Variants in IREB2 observed in about 807,000 individuals in gnomAD.
IREB2 encodes iron responsive element binding protein 2.
Under a neutral mutation model 118.8 loss-of-function variants are expected in IREB2, and 39 were observed. The observed-to-expected ratio is 0.33, with a 90% CI of 0.25 to 0.43. The LOEUF (loss-of-function observed/expected upper bound fraction) is 0.43, where lower values mean the gene tolerates loss of function less well. Ranked by LOEUF, IREB2 falls within the 20% of genes least tolerant of loss-of-function variation. The pLI, the probability that IREB2 is intolerant of heterozygous loss-of-function variation, is 1.00. For synonymous variants in IREB2, 372 were observed against 392.2 expected (o/e 0.95, Z 0.61); for missense variants, 900 against 1,147.3 (o/e 0.78, Z 3.11).
chr15:78,490,821 C>T, intron 18 of IREB2, 60 bp downstream of exon 18: 3 of 1,467,218 alleles, frequency 2.0e-6, no homozygotes, highest in South Asian at 1.2e-5. Context: ...GATTAAGAGG[C>T]TTCTATTGGT....
intron 9 of IREB2, among the ~76,000 whole-genome samples, chr15:78,477,530 G>A (rs1289217586): frequency 6.6e-6 from 1 of 152,146 alleles, no homozygotes; most frequent in Admixed American, 6.5e-5. Flanking sequence ...AGATTCTCAA[G>A]GGTTAGGAGA....
At chr15:78,450,046 A>AT (rs201118937) in intron 2 of IREB2, among the ~76,000 whole-genome samples, 3,491 of 151,998 alleles carry the variant, frequency 0.023, 51 homozygotes, top group Non-Finnish European at 0.034. Flanking sequence ...AATCCAGTGC[A>AT]TTTTTTTTAC....
At chr15:78,476,736 T>C (rs2051478043) in intron 9 of IREB2, 1 of 153,958 alleles carries the variant, frequency 6.5e-6, no homozygotes, top group African/African-American at 2.4e-5. Flanking sequence ...GACAAAGGGG[T>C]TTGGGGACCA....
At position 78,447,921 on chromosome 15, in the gene IREB2, CT is replaced by C. The variant is rs2050958905; in HGVS notation, c.106+8041del. Reference sequence around the variant, plus strand: ...ACTGGCCAGACTGTAAATTGGTTGTCTGTTGGAAGGCTGGCTCCAGGTCCCA... The same window carrying C: ...ACTGGCCAGACTGTAAATTGGTTGTCGTTGGAAGGCTGGCTCCAGGTCCCA... On this transcript the variant is annotated intron_variant, in intron 2 of 21. Transcript: ENST00000258886. 3.3e-5 allele frequency among the ~76,000 whole-genome samples: 5 copies of C among 152,342 alleles called. No individual in the cohort carries two copies. The South Asian group carries it at 8.3e-4, about 25-fold the overall frequency.
rs2051222290 is a variant in IREB2, at chr15:78,463,042, T to C, written c.227T>C (p.Val76Ala). 1 of 1,610,620 alleles carries C rather than the reference T, an allele frequency of 6.2e-7. No homozygotes were observed. Residue 76 changes from valine (V) to alanine (A), a missense_variant, in exon 3 of 22, where the codon GTT becomes GCT. Coordinates refer to ENST00000258886, the MANE Select transcript of IREB2 (RefSeq NM_004136.4). ...ILDWKTKQSN[V>A]EVPFFPARVL... ...GACTGGAAAACCAAACAAAGCAATG[T>C]TGAAGTGCCCTTTTTCCCTGCCCGT...
chr15:78,477,898 G>A (rs1038196304), intron 9 of IREB2, among the ~76,000 whole-genome samples: 1 of 152,048 alleles, frequency 6.6e-6, no homozygotes, highest in Non-Finnish European at 1.5e-5. Context: ...TCCAGCCTAG[G>A]TGACACAGTG....
At chr15:78,491,810 G>A (rs1566996619) in intron 18 of IREB2, among the ~76,000 whole-genome samples, 1 of 152,142 alleles carries the variant, frequency 6.6e-6, no homozygotes, top group African/African-American at 2.4e-5. Context: ...TGTCAATGTA[G>A]CTTGTGTTGA....
In IREB2 at chr15:78,465,354, G is replaced by A. The variant is rs1595995929; in HGVS notation, c.376G>A (p.Val126Ile). The A allele has an allele frequency of 6.2e-7, 1 of 1,613,342 alleles. No individual in the cohort carries two copies. Among genetic ancestry groups the A allele is most frequent in the Non-Finnish European group, 8.5e-7 (1 of 1,179,740 alleles). Residue 126 changes from valine (V) to isoleucine (I), a missense_variant, in exon 4 of 22, where the codon GTT becomes ATT. Coordinates refer to ENST00000258886, the MANE Select transcript of IREB2 (RefSeq NM_004136.4). ...VHPACPTDLTVDHSLQIDFSK... is the reference protein window; with the variant it reads ...VHPACPTDLTIDHSLQIDFSK... ...TCCTGCTTGTCCGACAGATCTTACA[G>A]TTGACCATTCTTTACAAATTGACTT...
intron 6 of IREB2, among the ~76,000 whole-genome samples, chr15:78,471,344 A>G (rs1010129497): frequency 7.2e-5 from 11 of 152,180 alleles, no homozygotes; most frequent in Admixed American, 6.5e-5. Flanking sequence ...TAGTAGTAGA[A>G]CGCTTTTGTT....
intron 5 of IREB2, among the ~76,000 whole-genome samples, chr15:78,470,303 T>G (rs547256589): frequency 6.6e-6 from 1 of 152,358 alleles, no homozygotes; most frequent in East Asian, 1.9e-4. Context: ...AATGTGGCTT[T>G]CTTACACTCA....
rs202064813 is a variant in IREB2, at chr15:78,438,313, C to T, written c.-25C>T. On this transcript the variant is annotated 5_prime_UTR_variant, in exon 1 of 22. Coordinates refer to ENST00000258886, the MANE Select transcript of IREB2 (RefSeq NM_004136.4). Reference sequence around the variant, plus strand: ...CTTCTTCCCCCGCTGGCCCCCTCCCCGGAGGGATAATATGGTCTCCGGCGA... The same window carrying T: ...CTTCTTCCCCCGCTGGCCCCCTCCCTGGAGGGATAATATGGTCTCCGGCGA... 34 of 1,580,810 alleles carry T rather than the reference C, an allele frequency of 2.2e-5. No individual in the cohort carries two copies. In the East Asian group the frequency reaches 7.3e-4, roughly 34 times the overall value.
intron 7 of IREB2, among the ~76,000 whole-genome samples, chr15:78,472,579 C>G (rs2051398368): frequency 6.6e-6 from 1 of 152,142 alleles, no homozygotes; most frequent in Non-Finnish European, 1.5e-5. Flanking sequence ...GCTGGCCTGG[C>G]TGGTTTTGAA....
At chr15:78,461,604 G>A (rs905741) in intron 2 of IREB2, among the ~76,000 whole-genome samples, 4,363 of 152,118 alleles carry the variant, frequency 0.029, 223 homozygotes, top group African/African-American at 0.1. Flanking sequence ...TAGAACAATG[G>A]TTAGACAATC....
rs199584758 is a variant in IREB2, at chr15:78,478,290, G to A, written c.1196-7G>A. On this transcript the variant is annotated splice_region_variant and splice_polypyrimidine_tract_variant and intron_variant, in intron 9 of 21. Transcript: ENST00000258886. ...GCATTTTGTTGTTTTGTTCATCTTCGTTTTAGGTTTTAGCAAAGCCAAACT... is the reference window on the plus strand; with the variant it reads ...GCATTTTGTTGTTTTGTTCATCTTCATTTTAGGTTTTAGCAAAGCCAAACT... 5.7e-5 allele frequency: 90 copies of A among 1,577,140 alleles called. No homozygotes were observed. The East Asian group carries it at 1.6e-3, about 28-fold the overall frequency.
chr15:78,483,190 TATTAAAATAAATTGC>T (rs1364508658), intron 10 of IREB2, 113 bp from the exon 11 acceptor site: 5 of 562,480 alleles, frequency 8.9e-6, no homozygotes, highest in South Asian at 2.5e-5. Context: ...TGTATTATAC[TATTAAAATAAATTGC>T]ATTAAAATAA....
rs759035193 is a variant in IREB2, at chr15:78,498,179, A to T, written c.*36A>T. The T allele has an allele frequency of 8.4e-7, 1 of 1,195,948 alleles. No individual in the cohort carries two copies. Among genetic ancestry groups the T allele is most frequent in the Non-Finnish European group, 1.2e-6 (1 of 800,194 alleles). The allele number at this position is 1,195,948 out of a possible 1,614,324, so 74.1% of individuals were successfully genotyped here. ...CCATAGATACCTTTCATAACTGGTA[A>T]CTGCAAAGCCTTTTGTGCTGGACCC... On this transcript the variant is annotated 3_prime_UTR_variant, in exon 22 of 22. Coordinates refer to ENST00000258886, the MANE Select transcript of IREB2 (RefSeq NM_004136.4).
rs143720317 is a variant in IREB2, at chr15:78,466,384, G to A, written c.524G>A (p.Arg175Gln). 28 of 1,613,954 alleles carry A rather than the reference G, an allele frequency of 1.7e-5. No individual in the cohort carries two copies. The highest frequency in any genetic ancestry group is 1.2e-4 in the South Asian group (11 of 91,084). The change falls in exon 5 of 22, where the codon CGA (arginine) becomes CAA (glutamine). Residue 175 changes from arginine to glutamine, a missense_variant. By Grantham distance (43) the Arg-to-Gln change is conservative. Transcript: ENST00000258886. ...CCCTGCAGAGGCCAGACTACCTGCC[G>A]AGGATCTTGTGATTCTGGAGAACTA... ...KLPCRGQTTC[R>Q]GSCDSGELGR...
In IREB2 at chr15:78,438,293, T is replaced by G; in HGVS notation, c.-45T>G. On this transcript the variant is annotated 5_prime_UTR_variant, in exon 1 of 22. Transcript: ENST00000258886. ...CTTCCCTGCCCGGCCTCCCCCTTCT[T>G]CCCCCGCTGGCCCCCTCCCCGGAGG... 6.5e-7 allele frequency: 1 copy of G among 1,545,732 alleles called. No homozygotes were observed. Among genetic ancestry groups the G allele is most frequent in the Non-Finnish European group, 8.8e-7 (1 of 1,136,534 alleles).
chr15:78,483,530 G>GT, intron 11 of IREB2, 96 bp downstream of exon 11: 1 of 715,040 alleles, frequency 1.4e-6, no homozygotes, highest in Non-Finnish European at 2.5e-6. Context: ...TCACTGCTAT[G>GT]TTTTATATAT....
Sources: allele counts gnomAD v4.1 joint callset (sites outside exome capture counted in the v4.1 genomes callset), GRCh38; gene constraint gnomAD v4.1.1; transcripts MANE v1.5; gene names NCBI Gene and HGNC (gene_info 2026-07-23, HGNC 2026-07-21).